Variants in ARHGAP5 observed in about 807,000 individuals in gnomAD.
ARHGAP5 encodes rho GTPase-activating protein 5.
Under a neutral mutation model 116.6 loss-of-function variants are expected in ARHGAP5, and 23 were observed. That is an observed-to-expected ratio of 0.20 (90% CI 0.14 to 0.28). The LOEUF is 0.28. Ranked by LOEUF, ARHGAP5 falls within the 10% of genes least tolerant of loss-of-function variation. ARHGAP5 has a pLI of 1.00. For missense variants in ARHGAP5, 1,405 were observed against 1,774.8 expected (o/e 0.79, Z 3.74); for synonymous variants, 574 against 602.0 (o/e 0.95, Z 0.68).
intron 3 of ARHGAP5, among the ~76,000 whole-genome samples, chr14:32,128,942 A>C (rs1207722901): frequency 6.6e-6 from 1 of 152,202 alleles, no homozygotes; most frequent in East Asian, 1.9e-4. Context: ...CCTGGTTTTA[A>C]AAGTGCACTG....
chr14:32,093,863 G>T lies in ARHGAP5; in HGVS notation c.3194G>T (p.Gly1065Val). Residue 1065 changes from glycine to valine, a missense_variant, in exon 2 of 7, where the codon GGT becomes GTT. Gly to Val is a moderately radical substitution (Grantham distance 109). This residue lies in a region of ARHGAP5 where 944 missense variants were observed against 1,095.3 expected (regional missense o/e 0.86). Coordinates refer to ENST00000345122, the MANE Select transcript of ARHGAP5 (RefSeq NM_001030055.2). ...AACCTTTTAAAAACAATTGAAGCTG[G>T]TATTGGTAAAAATCCAAGAAAGCAG... is the stretch of plus-strand genomic sequence containing the variant. The part of the protein sequence containing the change: ...DPNLLKTIEA[G>V]IGKNPRKQTS... 1 of 1,613,964 alleles carries T rather than the reference G, an allele frequency of 6.2e-7. No individual in the cohort carries two copies. The highest frequency in any genetic ancestry group is 8.5e-7 in the Non-Finnish European group (1 of 1,179,972).
At chr14:32,123,205 G>A (rs1322252329) in intron 3 of ARHGAP5, among the ~76,000 whole-genome samples, 1 of 151,754 alleles carries the variant, frequency 6.6e-6, no homozygotes, top group Non-Finnish European at 1.5e-5. Context: ...TTTTAAAAAC[G>A]ACATCTGCTT....
chr14:32,130,341 A>G (rs1350917267), intron 3 of ARHGAP5, among the ~76,000 whole-genome samples: 3 of 146,066 alleles, frequency 2.1e-5, no homozygotes, highest in East Asian at 4.1e-4. Context: ...ACTCCTGAGT[A>G]GCTGGGATTA....
intron 2 of ARHGAP5, among the ~76,000 whole-genome samples, chr14:32,105,044 C>G (rs1878946074): frequency 6.6e-6 from 1 of 152,112 alleles, no homozygotes; most frequent in South Asian, 2.1e-4. Flanking sequence ...CACAGGCCAT[C>G]TTCCACAACA....
intron 1 of ARHGAP5, among the ~76,000 whole-genome samples, chr14:32,081,650 G>A (rs2041775804): frequency 2.0e-5 from 3 of 151,892 alleles, no homozygotes; most frequent in Admixed American, 2.0e-4. Flanking sequence ...AGTGATAGAA[G>A]GGGTGATGTA....
chr14:32,104,139 A>C (rs1011108345), intron 2 of ARHGAP5, among the ~76,000 whole-genome samples: 8 of 152,152 alleles, frequency 5.3e-5, no homozygotes, highest in Non-Finnish European at 2.9e-5. Flanking sequence ...CTCCTTGTAT[A>C]AGATGAGAGG....
intron 2 of ARHGAP5, among the ~76,000 whole-genome samples, chr14:32,094,644 A>G (rs1878434378): frequency 6.6e-6 from 1 of 152,160 alleles, no homozygotes; most frequent in Non-Finnish European, 1.5e-5. Context: ...AAACCCAGAT[A>G]TGAAGTGATT....
chr14:32,125,324 A>G (rs980698443), intron 3 of ARHGAP5, among the ~76,000 whole-genome samples: 2 of 152,142 alleles, frequency 1.3e-5, no homozygotes, highest in Non-Finnish European at 2.9e-5. Context: ...GTGTTGTAAC[A>G]TGTATCATTA....
Position 32,093,642 on chromosome 14 carries a change from T to C in ARHGAP5, c.2973T>C (p.Tyr991=). The C allele has an allele frequency of 6.2e-7, 1 of 1,613,936 alleles. No individual in the cohort carries two copies. Among genetic ancestry groups the C allele is most frequent in the South Asian group, 1.1e-5 (1 of 91,006 alleles). ...SDDDTEAPPP[Y]SPIGDDVQLL... is the part of the protein sequence containing the mutation. Reference sequence around the variant, plus strand: ...ATGACACAGAAGCACCACCTCCTTATAGTCCAATTGGGGATGATGTACAGT... The same window carrying C: ...ATGACACAGAAGCACCACCTCCTTACAGTCCAATTGGGGATGATGTACAGT... The change falls in exon 2 of 7, where the codon TAT becomes TAC. Residue 991 remains tyrosine (Y), a synonymous_variant. Coordinates refer to ENST00000345122, the MANE Select transcript of ARHGAP5 (RefSeq NM_001030055.2).
chr14:32,151,257 G>T (rs906973261), intron 5 of ARHGAP5, among the ~76,000 whole-genome samples: 1 of 152,206 alleles, frequency 6.6e-6, no homozygotes, highest in Non-Finnish European at 1.5e-5. Flanking sequence ...ATGAAATGTT[G>T]TTAGTAATTG....
rs61747596 is a variant in ARHGAP5 at position 32,091,923 on chromosome 14, A to G, written c.1254A>G (p.Val418=). 5,061 of 1,613,700 alleles carry G rather than the reference A, an allele frequency of 3.1e-3. 139 individuals are homozygous for G. The African/African-American group carries it at 0.056, about 18-fold the overall frequency. Residue 418 remains valine, a synonymous_variant, in exon 2 of 7, where the codon GTA becomes GTG. Coordinates refer to ENST00000345122, the MANE Select transcript of ARHGAP5 (RefSeq NM_001030055.2). ...CTGAAAAAGTCTATCAGAACCATGT[A>G]CAGCATCTGATATCCGAGAAGAGGA... The part of the protein sequence containing the change: ...LEAEKVYQNH[V]QHLISEKRRV...
At chr14:32,140,097 CTTTTTTTTTTTTTTTTCCT>C (rs1881041032) in intron 3 of ARHGAP5, among the ~76,000 whole-genome samples, 1 of 25,386 alleles carries the variant, frequency 3.9e-5, no homozygotes, top group Non-Finnish European at 7.3e-5. Flanking sequence ...GTTATTTGTT[CTTTTTTTTTTTTTTTTCCT>C]TTTTTTTTTT....
intron 2 of ARHGAP5, among the ~76,000 whole-genome samples, chr14:32,096,884 G>A (rs1006307719): frequency 2.0e-5 from 3 of 152,088 alleles, no homozygotes; most frequent in South Asian, 2.1e-4. Context: ...ATGAGTATAC[G>A]TGCCAAAGTC....
At chr14:32,131,290 T>C (rs1174533346) in intron 3 of ARHGAP5, among the ~76,000 whole-genome samples, 1 of 151,944 alleles carries the variant, frequency 6.6e-6, no homozygotes, top group East Asian at 1.9e-4. Context: ...TTATTTTATT[T>C]TATTTTTGCA....
intron 3 of ARHGAP5, among the ~76,000 whole-genome samples, chr14:32,118,263 C>A (rs1328834974): frequency 2.0e-5 from 3 of 152,130 alleles, no homozygotes. Flanking sequence ...CTTTGGGAGG[C>A]TGAGGCAGTC....
At chr14:32,145,544 G>A (rs951666924) in intron 3 of ARHGAP5, among the ~76,000 whole-genome samples, 1 of 152,118 alleles carries the variant, frequency 6.6e-6, no homozygotes, top group African/African-American at 2.4e-5. Context: ...TGGGTTGCAG[G>A]CCTCTCCAAC....
intron 3 of ARHGAP5, among the ~76,000 whole-genome samples, chr14:32,128,188 C>T (rs1429553991): frequency 1.3e-5 from 2 of 151,830 alleles, no homozygotes; most frequent in Non-Finnish European, 2.9e-5. Context: ...AGGCGCTCCT[C>T]ACTTCCCAGA....
chr14:32,099,886 C>T (rs1878711752), intron 2 of ARHGAP5, among the ~76,000 whole-genome samples: 1 of 152,144 alleles, frequency 6.6e-6, no homozygotes, highest in South Asian at 2.1e-4. Flanking sequence ...GCTTCGTTGT[C>T]ATTCTTACCA....
At position 32,149,893 on chromosome 14, in the gene ARHGAP5, G is replaced by A; in HGVS notation, c.3944-9G>A. Reference sequence around the variant, plus strand: ...TATATAATTTAAAATGTTAATTTTTGTCTTGTAGATCATAATATCAATCTA... The same window carrying A: ...TATATAATTTAAAATGTTAATTTTTATCTTGTAGATCATAATATCAATCTA... On this transcript the variant is annotated splice_polypyrimidine_tract_variant and intron_variant, in intron 4 of 6. Coordinates refer to ENST00000345122, the MANE Select transcript of ARHGAP5 (RefSeq NM_001030055.2). The A allele has an allele frequency of 7.0e-7, 1 of 1,426,856 alleles. No individual in the cohort carries two copies. Among genetic ancestry groups the A allele is most frequent in the Non-Finnish European group, 9.3e-7 (1 of 1,076,442 alleles). 88.4% of individuals were successfully genotyped at this position (1,426,856 alleles called of 1,614,324 possible).
Sources: allele counts gnomAD v4.1 joint callset (sites outside exome capture counted in the v4.1 genomes callset), GRCh38; gene constraint gnomAD v4.1.1; regional missense constraint gnomAD v4.1.1; transcripts MANE v1.5; gene names NCBI Gene and HGNC (gene_info 2026-07-23, HGNC 2026-07-21).